The following JADE1 variants were observed in gnomAD, a reference collection of about 807,000 sequenced individuals.
JADE1 encodes protein Jade-1.
Under a neutral mutation model 81.8 loss-of-function variants are expected in JADE1, and 14 were observed. That is an observed-to-expected ratio of 0.17 (90% CI 0.11 to 0.27). JADE1 has a LOEUF of 0.27. JADE1 is among the 10% of genes least tolerant of loss of function. The pLI is 1.00. For missense variants in JADE1, 690 were observed against 1,047.9 expected, an observed-to-expected ratio of 0.66 and a Z score of 4.71; for synonymous variants, 353 against 391.9, an observed-to-expected ratio of 0.90 and a Z score of 1.17.
chr4:128,863,615 G>C, intron 9 of JADE1: 20 of 985,432 alleles, frequency 2.0e-5, no homozygotes, highest in Non-Finnish European at 2.3e-5. Flanking sequence ...TCCGGCCCTG[G>C]AAGAGGCAGG....
chr4:128,858,747 C>T (rs1303715560), intron 8 of JADE1, among the ~76,000 whole-genome samples: 4 of 151,880 alleles, frequency 2.6e-5, no homozygotes, highest in South Asian at 2.1e-4. Flanking sequence ...GGATTACAGG[C>T]GCGCACCAGC....
At chr4:128,864,059 A>C (rs1346770842) in intron 9 of JADE1, 2 of 985,192 alleles carry the variant, frequency 2.0e-6, no homozygotes, top group African/African-American at 3.5e-5. Context: ...GAAACAGGGA[A>C]TAAATCAGGA....
chr4:128,845,783 C>T (rs748618314), intron 3 of JADE1, among the ~76,000 whole-genome samples: 3 of 152,042 alleles, frequency 2.0e-5, no homozygotes, highest in Admixed American at 1.3e-4. Context: ...ATTAGCTGGG[C>T]GTGGTGGCGT....
chr4:128,872,087 C>T lies in JADE1; in HGVS notation c.2354C>T (p.Pro785Leu), dbSNP rs200122043. The change falls in exon 11 of 11, where the codon CCA becomes CTA. Residue 785 changes from proline to leucine, a missense_variant. Physicochemically the swap from Pro to Leu is moderately conservative, Grantham distance 98. This residue lies in a region of JADE1 where 218 missense variants were observed against 274.3 expected (regional missense o/e 0.79). Coordinates refer to ENST00000226319, the MANE Select transcript of JADE1 (RefSeq NM_199320.4). ...CCATATTTGGGCTTAGGCCGAGTTC[C>T]AGCCAAGGAAAGGGCAAAAAGCAAA... ...DYPYLGLGRV[P>L]AKERAKSKLK... The T allele has an allele frequency of 1.1e-3, 1,771 of 1,614,128 alleles. 1 individual carries two copies. The highest frequency in any genetic ancestry group is 1.4e-3 in the Non-Finnish European group (1,617 of 1,179,996).
At chr4:128,863,279 T>G in intron 9 of JADE1, 1 of 985,536 alleles carries the variant, frequency 1.0e-6, no homozygotes, top group Non-Finnish European at 1.2e-6. Flanking sequence ...GGATGCTTCT[T>G]AGAGCATCTT....
At chr4:128,848,938 G>A in intron 4 of JADE1, 42 bp from the exon 5 acceptor site, 1 of 1,601,848 alleles carries the variant, frequency 6.2e-7, no homozygotes, top group South Asian at 1.1e-5. Flanking sequence ...ATTGTCTGTG[G>A]CTGAAAGGGT....
At chr4:128,848,907 T>TGG in intron 4 of JADE1, 73 bp from the exon 5 acceptor site, 1 of 1,462,868 alleles carries the variant, frequency 6.8e-7, no homozygotes, top group Non-Finnish European at 9.5e-7. Flanking sequence ...GGAAGACATT[T>TGG]GGGGCCTTGT....
At chr4:128,831,944 G>T in intron 2 of JADE1, 134 bp downstream of exon 2, 1 of 775,366 alleles carries the variant, frequency 1.3e-6, no homozygotes, top group South Asian at 1.5e-5. Context: ...AAAGCCTGGA[G>T]AAACGTACCT....
At chr4:128,843,479 T>C (rs1448909660) in intron 3 of JADE1, among the ~76,000 whole-genome samples, 1 of 152,146 alleles carries the variant, frequency 6.6e-6, no homozygotes. Context: ...TCTGGGACTT[T>C]TGTTTAGGGG....
chr4:128,855,731 A>G lies in JADE1; in HGVS notation c.798A>G (p.Gly266=). 6.2e-7 allele frequency: 1 copy of G among 1,614,084 alleles called. No individual in the cohort carries two copies. Among genetic ancestry groups the G allele is most frequent in the East Asian group, 2.2e-5 (1 of 44,872 alleles). ...PKCLLCPKKG[G]AMKPTRSGTK... is the part of the protein sequence containing the mutation. Reference sequence around the variant, plus strand: ...GTCTGCTGTGTCCGAAGAAGGGTGGAGCTATGAAGCCCACCCGTAGCGGAA... The same window carrying G: ...GTCTGCTGTGTCCGAAGAAGGGTGGGGCTATGAAGCCCACCCGTAGCGGAA... The change falls in exon 7 of 11, where the codon GGA becomes GGG. Residue 266 remains glycine (G), a synonymous_variant. Coordinates refer to ENST00000226319, the MANE Select transcript of JADE1 (RefSeq NM_199320.4).
At chr4:128,818,281 C>A (rs368550527) in intron 1 of JADE1, among the ~76,000 whole-genome samples, 2 of 152,010 alleles carry the variant, frequency 1.3e-5, no homozygotes, top group South Asian at 2.1e-4. Flanking sequence ...CCACCATGCC[C>A]TGCTAATTTT....
intron 1 of JADE1, among the ~76,000 whole-genome samples, chr4:128,825,351 T>C (rs930860316): frequency 6.6e-6 from 1 of 152,164 alleles, no homozygotes; most frequent in Non-Finnish European, 1.5e-5. Flanking sequence ...TCTTATTCTT[T>C]TGTAAAAGTC....
intron 5 of JADE1, 100 bp downstream of exon 5, chr4:128,849,267 G>A: frequency 1.0e-6 from 1 of 991,002 alleles, no homozygotes; most frequent in South Asian, 1.7e-5. Context: ...GCCAGTTGCA[G>A]GCAGCTCCAT....
At chr4:128,832,475 C>G (rs1728635868) in intron 2 of JADE1, among the ~76,000 whole-genome samples, 1 of 152,332 alleles carries the variant, frequency 6.6e-6, no homozygotes. Flanking sequence ...GTACCTAGCA[C>G]AGTGCCTGAG....
chr4:128,863,724 A>T (rs185659918), intron 9 of JADE1: 153 of 985,406 alleles, frequency 1.6e-4, no homozygotes, highest in Non-Finnish European at 1.7e-4. Context: ...TATGTGTGGC[A>T]TTTTTGTTAG....
intron 6 of JADE1, among the ~76,000 whole-genome samples, chr4:128,854,485 T>C (rs185880782): frequency 3.3e-5 from 5 of 152,328 alleles, no homozygotes; most frequent in African/African-American, 1.2e-4. Flanking sequence ...ATTAAAAATT[T>C]TTTTCTAGTA....
At chr4:128,865,884 C>G (rs1451894324) in intron 9 of JADE1, among the ~76,000 whole-genome samples, 1 of 152,218 alleles carries the variant, frequency 6.6e-6, no homozygotes, top group African/African-American at 2.4e-5. Context: ...GTAAGTATTT[C>G]TATTACATGT....
At position 128,818,126 on chromosome 4, in the gene JADE1, C is replaced by CT. The variant is rs375005134; in HGVS notation, c.-27+8261dup. Among the ~76,000 whole-genome samples the CT allele has an allele frequency of 3.1e-3, 452 of 144,392 alleles. 1 individual carries two copies. Among genetic ancestry groups the CT allele is most frequent in the South Asian group, 9.4e-3 (43 of 4,566 alleles). The allele number at this position is 144,392 out of a possible 152,430, so 94.7% of individuals were successfully genotyped here. ...TTTTGATTATTCTAGTTAGGGACTT[C>CT]TTTTTTTTTTTTGAGATAGAGTCTT... is the stretch of plus-strand genomic sequence containing the variant. On this transcript the variant is annotated intron_variant, in intron 1 of 10. Coordinates refer to ENST00000226319, the MANE Select transcript of JADE1 (RefSeq NM_199320.4).
intron 2 of JADE1, among the ~76,000 whole-genome samples, chr4:128,838,579 AGC>A (rs1729175368): frequency 6.6e-6 from 1 of 152,310 alleles, no homozygotes; most frequent in Admixed American, 6.5e-5. Flanking sequence ...AACAATAGCA[AGC>A]ACACTGTTTT....
Sources: gnomAD v4.1 joint callset for allele counts (sites outside exome capture counted in the v4.1 genomes callset) on GRCh38, gnomAD v4.1.1 for gene constraint, gnomAD v4.1.1 regional missense constraint, MANE v1.5 for transcripts, NCBI Gene and HGNC (gene_info 2026-07-23, HGNC 2026-07-21) for gene names.